DHX35: variants seen among roughly 807,000 people sequenced by gnomAD.
The protein encoded by DHX35 is DEAH-box helicase 35.
Under a neutral mutation model 99.6 loss-of-function variants are expected in DHX35, and 84 were observed. The ratio of observed to expected loss-of-function variants is 0.84; its 90% CI spans 0.71 to 1.01. The LOEUF (loss-of-function observed/expected upper bound fraction) is 1.01. Among genes scored for constraint, DHX35 ranks in the 50% least tolerant of loss-of-function variants. DHX35 has a pLI of 0.00. For missense variants in DHX35, 852 were observed against 888.5 expected, an observed-to-expected ratio of 0.96 and a Z score of 0.52; for synonymous variants, 331 against 316.2, an observed-to-expected ratio of 1.05 and a Z score of -0.50.
At position 39,002,883 on chromosome 20, in the gene DHX35, C is replaced by T. The variant is rs775941399; in HGVS notation, c.852+15C>T. 1 of 1,604,496 alleles carries T rather than the reference C, an allele frequency of 6.2e-7. No homozygotes were observed. Among genetic ancestry groups the T allele is most frequent in the Non-Finnish European group, 8.5e-7 (1 of 1,171,328 alleles). ...TTACTGGCCAGGTAATGCCACTGTA[C>T]TTCTCTGATGAATAGACATGTTAAG... On this transcript the variant is annotated intron_variant, in intron 10 of 21. Transcript: ENST00000252011.
intron 11 of DHX35, among the ~76,000 whole-genome samples, chr20:39,004,153 C>T (rs1054032340): frequency 1.3e-5 from 2 of 152,138 alleles, no homozygotes; most frequent in African/African-American, 4.8e-5. Context: ...AGCTCTGCCT[C>T]CCGGGTTCAC....
rs566508244 is a variant in DHX35 at position 39,038,718 on chromosome 20, C to G, written c.*175C>G. 1 of 645,860 alleles carries G rather than the reference C, an allele frequency of 1.5e-6. No homozygotes were observed. Among genetic ancestry groups the G allele is most frequent in the African/African-American group, 1.8e-5 (1 of 54,872 alleles). 40.0% of individuals were successfully genotyped at this position (645,860 alleles called of 1,614,324 possible). On this transcript the variant is annotated 3_prime_UTR_variant, in exon 22 of 22. Transcript: ENST00000252011. ...TCCCGCTGCCCACAGCATTTGCATC[C>G]TTGCTGGGATCCTGGAGGACTTTGT...
In DHX35 at chr20:38,995,030, A is replaced by G. The variant is rs2086406048; in HGVS notation, c.642+150A>G. The G allele has an allele frequency of 7.8e-6, 5 of 637,780 alleles. No individual in the cohort carries two copies. The East Asian group carries it at 1.4e-4, about 17-fold the overall frequency. 39.5% of individuals were successfully genotyped at this position (637,780 alleles called of 1,614,324 possible). A position where few individuals can be genotyped will look rare whatever the true frequency, so the allele number is the denominator to read the frequency against. On this transcript the variant is annotated intron_variant, in intron 8 of 21. Coordinates refer to ENST00000252011, the MANE Select transcript of DHX35 (RefSeq NM_021931.4). ...CTGATGTCCTAGATTTCATATAATC[A>G]GAGGTTACTCCTTTTCAGCTTGTGA...
chr20:38,976,582 A>T (rs976191733), intron 3 of DHX35, among the ~76,000 whole-genome samples: 2 of 152,200 alleles, frequency 1.3e-5, no homozygotes, highest in Admixed American at 6.5e-5. Flanking sequence ...TCAAACATTT[A>T]TCATTTCTTT....
chr20:39,025,656 C>T (rs772271087), intron 18 of DHX35, among the ~76,000 whole-genome samples: 1 of 152,186 alleles, frequency 6.6e-6, no homozygotes, highest in Non-Finnish European at 1.5e-5. Flanking sequence ...TTGATTTTCC[C>T]ATGTAGGCTT....
chr20:38,998,306 T>G (rs924042954), intron 8 of DHX35, among the ~76,000 whole-genome samples: 6 of 152,248 alleles, frequency 3.9e-5, no homozygotes, highest in African/African-American at 1.4e-4. Flanking sequence ...GACTAATTTC[T>G]CTTTCCAGAT....
At position 39,039,533 on chromosome 20, in the gene DHX35, T is replaced by C. The variant is rs1272513019; in HGVS notation, c.*990T>C. 1.3e-5 allele frequency: 2 copies of C among 152,276 alleles called. No homozygotes were observed. The highest frequency in any genetic ancestry group is 2.9e-5 in the Non-Finnish European group (2 of 68,044). The allele number at this position is 152,276 out of a possible 1,614,324, so 9.4% of individuals were successfully genotyped here. A position where few individuals can be genotyped will look rare whatever the true frequency, so the allele number is the denominator to read the frequency against. On this transcript the variant is annotated 3_prime_UTR_variant, in exon 22 of 22. Coordinates refer to ENST00000252011, the MANE Select transcript of DHX35 (RefSeq NM_021931.4). ...TGCAGATTTTTTCCCCCTTACTGTT[T>C]CAATGACCTTTATTTTAAAAACACA... is the stretch of plus-strand genomic sequence containing the variant.
At chr20:39,033,090 G>C (rs1291511515) in intron 20 of DHX35, among the ~76,000 whole-genome samples, 1 of 152,020 alleles carries the variant, frequency 6.6e-6, no homozygotes, top group Non-Finnish European at 1.5e-5. Flanking sequence ...AAAAAAATGA[G>C]CCAGGCATGG....
intron 12 of DHX35, among the ~76,000 whole-genome samples, chr20:39,009,099 A>G (rs1373589717): frequency 6.6e-6 from 1 of 152,172 alleles, no homozygotes; most frequent in Non-Finnish European, 1.5e-5. Context: ...CTTGCCTGTC[A>G]TTGAACTTTT....
At chr20:38,962,462 C>A in intron 1 of DHX35, 55 bp downstream of exon 1, 3 of 1,587,898 alleles carry the variant, frequency 1.9e-6, no homozygotes, top group Non-Finnish European at 2.6e-6. Context: ...TCGGTCTTGG[C>A]GCCGCGGCCG....
At position 38,962,362 on chromosome 20, in the gene DHX35, C is replaced by G. The variant is rs2085843151; in HGVS notation, c.-6C>G. 1 of 1,612,320 alleles carries G rather than the reference C, an allele frequency of 6.2e-7. No homozygotes were observed. The highest frequency in any genetic ancestry group is 8.5e-7 in the Non-Finnish European group (1 of 1,179,142). On this transcript the variant is annotated 5_prime_UTR_variant, in exon 1 of 22. Coordinates refer to ENST00000252011, the MANE Select transcript of DHX35 (RefSeq NM_021931.4). ...TGGAGCTAGCCTCGTGACCTTTTAC[C>G]CCAACATGGCTGCGCCCGTGGGACC...
At chr20:38,977,203 T>C (rs1224717254) in intron 3 of DHX35, among the ~76,000 whole-genome samples, 1 of 152,206 alleles carries the variant, frequency 6.6e-6, no homozygotes, top group African/African-American at 2.4e-5. Flanking sequence ...TAGTTTACAT[T>C]GTCACCAACA....
chr20:39,035,536 G>C (rs994900653), intron 21 of DHX35, among the ~76,000 whole-genome samples: 7 of 152,212 alleles, frequency 4.6e-5, no homozygotes, highest in Non-Finnish European at 1.0e-4. Flanking sequence ...AGCGATATTT[G>C]AATTGATTGC....
chr20:39,030,574 T>G, intron 19 of DHX35, 130 bp from the exon 20 acceptor site: 168 of 746,914 alleles, frequency 2.2e-4, no homozygotes, highest in Non-Finnish European at 3.2e-4. Context: ...CAAGAGAAGA[T>G]GGAGATAATT....
Position 39,032,672 on chromosome 20 carries a change from T to G in DHX35, c.1956-1534T>G, listed in dbSNP as rs562525913. 1.1e-4 allele frequency among the ~76,000 whole-genome samples: 17 copies of G among 152,266 alleles called. No individual in the cohort carries two copies. In the South Asian group the frequency reaches 3.5e-3, roughly 32 times the overall value. On this transcript the variant is annotated intron_variant, in intron 20 of 21. Coordinates refer to ENST00000252011, the MANE Select transcript of DHX35 (RefSeq NM_021931.4). ...TGTGGTCTCCAGCCCAGCATCAGTA[T>G]CACCTGGAAACTTGTACGAAATGCA...
chr20:38,965,082 C>G (rs1417546719), intron 1 of DHX35, among the ~76,000 whole-genome samples: 2 of 141,100 alleles, frequency 1.4e-5, no homozygotes, highest in Non-Finnish European at 3.1e-5. Context: ...CTTTGGAGGC[C>G]TAGGAGCCAG....
Position 39,002,637 on chromosome 20 carries a change from G to T in DHX35, c.756-135G>T, listed in dbSNP as rs879391484. ...TTTGAAAAAAATGAATATTTATTTT[G>T]TTTATCCTGTACTAATTACCTACTG... On this transcript the variant is annotated intron_variant, in intron 9 of 21. Transcript: ENST00000252011. 32 of 590,146 alleles carry T rather than the reference G, an allele frequency of 5.4e-5. No individual in the cohort carries two copies. In the Admixed American group the frequency reaches 9.2e-4, roughly 17 times the overall value. The allele number at this position is 590,146 out of a possible 1,614,324, so 36.6% of individuals were successfully genotyped here. A position where few individuals can be genotyped will look rare whatever the true frequency, so the allele number is the denominator to read the frequency against.
chr20:39,013,907 T>A (rs1467788559), intron 13 of DHX35, among the ~76,000 whole-genome samples: 8 of 152,168 alleles, frequency 5.3e-5, no homozygotes, highest in Non-Finnish European at 1.0e-4. Flanking sequence ...ACTACAACTT[T>A]TAAAAAAGTT....
intron 8 of DHX35, among the ~76,000 whole-genome samples, chr20:38,998,315 A>G (rs16987740): frequency 0.34 from 51,269 of 152,026 alleles, 8,756 homozygotes; most frequent in Middle Eastern, 0.51. Context: ...CTCTTTCCAG[A>G]TTCTTAGAGA....
Sources: gnomAD v4.1 joint callset for allele counts (sites outside exome capture counted in the v4.1 genomes callset) on GRCh38, gnomAD v4.1.1 for gene constraint, MANE v1.5 for transcripts, NCBI Gene and HGNC (gene_info 2026-07-23, HGNC 2026-07-21) for gene names.